The following UBASH3B variants were observed in gnomAD, a reference collection of about 807,000 sequenced individuals.
UBASH3B encodes ubiquitin associated and SH3 domain containing B, also known as ubiquitin-associated and SH3 domain-containing protein B.
Under a neutral mutation model 83.4 loss-of-function variants are expected in UBASH3B, and 37 were observed. The observed-to-expected ratio is 0.44, with a 90% confidence interval of 0.34 to 0.58. The LOEUF is 0.58. UBASH3B is among the 20% of genes least tolerant of loss of function. The pLI is 0.01. For missense variants in UBASH3B, 657 were observed against 827.2 expected (o/e 0.79, Z 2.52); for synonymous variants, 304 against 318.3 (o/e 0.96, Z 0.48).
intron 1 of UBASH3B, among the ~76,000 whole-genome samples, chr11:122,734,343 G>A (rs1860897866): frequency 6.6e-6 from 1 of 152,232 alleles, no homozygotes; most frequent in East Asian, 1.9e-4. Context: ...GGCTGAGCCT[G>A]AGGAAAGGAC....
intron 1 of UBASH3B, among the ~76,000 whole-genome samples, chr11:122,763,894 A>G (rs543819117): frequency 6.6e-6 from 1 of 152,362 alleles, no homozygotes; most frequent in Non-Finnish European, 1.5e-5. Flanking sequence ...AGAGGGGGCA[A>G]GACTTCGGAG....
At chr11:122,807,851 G>A (rs566907977) in intron 12 of UBASH3B, among the ~76,000 whole-genome samples, 6 of 152,166 alleles carry the variant, frequency 3.9e-5, no homozygotes, top group East Asian at 1.9e-4. Context: ...CACCACACCC[G>A]GCCCCATAAA....
chr11:122,769,088 A>T lies in UBASH3B; in HGVS notation c.162-7131A>T, dbSNP rs144084588. ...CTGGGTAATCTATAAAGAAAAGAGG[A>T]TTATTTGGCTCTCAGTTCTGCAGAC... On this transcript the variant is annotated intron_variant, in intron 1 of 13. Transcript: ENST00000284273. 1.7e-3 allele frequency among the ~76,000 whole-genome samples: 253 copies of T among 152,302 alleles called. 1 individual carries two copies. Among genetic ancestry groups the T allele is most frequent in the African/African-American group, 6.0e-3 (250 of 41,558 alleles).
chr11:122,735,312 C>A (rs1201511368), intron 1 of UBASH3B, among the ~76,000 whole-genome samples: 1 of 152,184 alleles, frequency 6.6e-6, no homozygotes, highest in African/African-American at 2.4e-5. Context: ...AATTTACAGT[C>A]CCGAACATGT....
At chr11:122,763,077 A>G (rs1170297563) in intron 1 of UBASH3B, among the ~76,000 whole-genome samples, 1 of 152,228 alleles carries the variant, frequency 6.6e-6, no homozygotes, top group Non-Finnish European at 1.5e-5. Context: ...ACTTGTCCAC[A>G]GTCCCATCGC....
chr11:122,664,658 T>A (rs1361544025), intron 1 of UBASH3B, among the ~76,000 whole-genome samples: 1 of 152,210 alleles, frequency 6.6e-6, no homozygotes, highest in African/African-American at 2.4e-5. Flanking sequence ...CTTGCTCACA[T>A]CCCTGTTTTC....
chr11:122,698,804 GT>G (rs1226707923), intron 1 of UBASH3B, among the ~76,000 whole-genome samples: 1 of 152,148 alleles, frequency 6.6e-6, no homozygotes, highest in Non-Finnish European at 1.5e-5. Flanking sequence ...TTAATCTGAA[GT>G]TGTGGTTATA....
chr11:122,679,251 G>A (rs1432286378), intron 1 of UBASH3B, among the ~76,000 whole-genome samples: 1 of 152,248 alleles, frequency 6.6e-6, no homozygotes, highest in East Asian at 1.9e-4. Context: ...CACGATGGAT[G>A]AGAAATCCTG....
chr11:122,688,621 C>CTTTATTTTATTTTATTTTAT (rs200531378), intron 1 of UBASH3B, among the ~76,000 whole-genome samples: 10 of 132,834 alleles, frequency 7.5e-5, no homozygotes, highest in African/African-American at 2.7e-4. Flanking sequence ...TAATTTTTTT[C>CTTTATTTTATTTTATTTTAT]TTTCTTTTAT....
Position 122,741,123 on chromosome 11 carries a change from T to A in UBASH3B, c.162-35096T>A, listed in dbSNP as rs185894115. On this transcript the variant is annotated intron_variant, in intron 1 of 13. Transcript: ENST00000284273. Reference sequence around the variant, plus strand: ...TAAAAATGACAAAGTTTATTTTTTATATAAAAATTGAGGAATTCAGAACTT... The same window carrying A: ...TAAAAATGACAAAGTTTATTTTTTAAATAAAAATTGAGGAATTCAGAACTT... 7.9e-5 allele frequency among the ~76,000 whole-genome samples: 12 copies of A among 152,368 alleles called. No homozygotes were observed. In the East Asian group the frequency reaches 1.5e-3, roughly 20 times the overall value.
chr11:122,720,385 T>C (rs1319335550), intron 1 of UBASH3B, among the ~76,000 whole-genome samples: 2 of 152,236 alleles, frequency 1.3e-5, no homozygotes, highest in Non-Finnish European at 2.9e-5. Flanking sequence ...GCTTGTATTA[T>C]TGCAATTGCC....
At chr11:122,665,373 G>T (rs888254596) in intron 1 of UBASH3B, among the ~76,000 whole-genome samples, 1 of 152,070 alleles carries the variant, frequency 6.6e-6, no homozygotes, top group African/African-American at 2.4e-5. Flanking sequence ...TTTTATTTTT[G>T]TAGAGATGGG....
intron 1 of UBASH3B, among the ~76,000 whole-genome samples, chr11:122,685,032 C>T (rs890395820): frequency 3.9e-5 from 6 of 152,164 alleles, no homozygotes; most frequent in African/African-American, 1.2e-4. Flanking sequence ...CTTCACGGGC[C>T]GCGGGTCTGA....
At chr11:122,808,860 T>C (rs1411486335) in intron 13 of UBASH3B, among the ~76,000 whole-genome samples, 1 of 152,180 alleles carries the variant, frequency 6.6e-6, no homozygotes, top group African/African-American at 2.4e-5. Context: ...GAGAATTTTG[T>C]CTTGTTTGTA....
At chr11:122,741,515 A>T (rs1030966653) in intron 1 of UBASH3B, among the ~76,000 whole-genome samples, 8 of 152,194 alleles carry the variant, frequency 5.3e-5, no homozygotes, top group Admixed American at 5.2e-4. Flanking sequence ...GTCAGTTCAC[A>T]TAGTGGTCAG....
chr11:122,702,988 A>G (rs188963491), intron 1 of UBASH3B, among the ~76,000 whole-genome samples: 6 of 152,302 alleles, frequency 3.9e-5, no homozygotes, highest in African/African-American at 9.6e-5. Flanking sequence ...CTATAAACAA[A>G]TTGGACACTC....
chr11:122,790,639 G>A (rs564057806), intron 6 of UBASH3B, among the ~76,000 whole-genome samples: 1 of 152,150 alleles, frequency 6.6e-6, no homozygotes, highest in East Asian at 1.9e-4. Context: ...TGTTTTATCA[G>A]ATCTCTTTCT....
intron 1 of UBASH3B, among the ~76,000 whole-genome samples, chr11:122,740,925 A>G (rs1426115960): frequency 6.6e-6 from 1 of 152,234 alleles, no homozygotes; most frequent in East Asian, 1.9e-4. Flanking sequence ...AGTGGGACAT[A>G]ATGTGTACAT....
intron 6 of UBASH3B, among the ~76,000 whole-genome samples, chr11:122,790,790 TA>T (rs1162749596): frequency 2.4e-4 from 35 of 144,360 alleles, no homozygotes; most frequent in East Asian, 4.0e-4. Flanking sequence ...CTACCAAAAA[TA>T]AAAAAAAAAA....
Sources: gnomAD v4.1 joint callset for allele counts (sites outside exome capture counted in the v4.1 genomes callset) on GRCh38, gnomAD v4.1.1 for gene constraint, MANE v1.5 for transcripts, NCBI Gene and HGNC (gene_info 2026-07-23, HGNC 2026-07-21) for gene names.